Variants in BIRC3 observed in about 807,000 individuals in gnomAD.
BIRC3 encodes the protein baculoviral IAP repeat containing 3.
A neutral mutation model predicts 59.0 loss-of-function variants in BIRC3; 26 were observed. That is an observed-to-expected ratio of 0.44 (90% confidence interval 0.32 to 0.61). The LOEUF (loss-of-function observed/expected upper bound fraction) is 0.61. Ranked by LOEUF, BIRC3 falls within the 20% of genes least tolerant of loss-of-function variation. The pLI, the probability that BIRC3 is intolerant of heterozygous loss-of-function variation, is 0.04. For missense variants in BIRC3, 641 were observed against 711.5 expected, an observed-to-expected ratio of 0.90 and a Z score of 1.13; for synonymous variants, 243 against 249.2, an observed-to-expected ratio of 0.98 and a Z score of 0.24.
At chr11:102,321,223 T>A (rs1167745933) in intron 1 of BIRC3, among the ~76,000 whole-genome samples, 1 of 152,188 alleles carries the variant, frequency 6.6e-6, no homozygotes. Flanking sequence ...GCAGAAACTA[T>A]TATTTTTGTA....
In BIRC3 at chr11:102,323,501, A is replaced by C. The variant is rs1951051649; in HGVS notation, c.-1009A>C. 5.3e-6 allele frequency: 1 copy of C among 187,570 alleles called. No individual in the cohort carries two copies. The highest frequency in any genetic ancestry group is 1.1e-5 in the Non-Finnish European group (1 of 88,948). 11.6% of individuals were successfully genotyped at this position (187,570 alleles called of 1,614,324 possible). On this transcript the variant is annotated 5_prime_UTR_variant, in exon 2 of 9. Transcript: ENST00000263464. ...ACTGAGTCCAAAAGACCAAATGAAC[A>C]AACACATTAATCTCTGATTATTTAT...
Position 102,338,087 on chromosome 11 carries a change from C to T in BIRC3, c.*985C>T, listed in dbSNP as rs1951216432. ...GTACACTGGTTAGCAATGCTTGGGA[C>T]CAACAGGTTGTTCTGGTAAATAAAT... On this transcript the variant is annotated 3_prime_UTR_variant, in exon 9 of 9. Coordinates refer to ENST00000263464, the MANE Select transcript of BIRC3 (RefSeq NM_001165.5). 4.4e-6 allele frequency: 1 copy of T among 228,266 alleles called. No individual in the cohort carries two copies. Among genetic ancestry groups the T allele is most frequent in the Admixed American group, 5.7e-5 (1 of 17,616 alleles). The allele number at this position is 228,266 out of a possible 1,614,324, so 14.1% of individuals were successfully genotyped here.
chr11:102,331,180 C>T lies in BIRC3; in HGVS notation c.1263C>T (p.Leu421=). The change falls in exon 6 of 9, where the codon CTC becomes CTT. Residue 421 remains leucine, a synonymous_variant. Coordinates refer to ENST00000263464, the MANE Select transcript of BIRC3 (RefSeq NM_001165.5). ...RLVNDLVLDL[L]NAEDEIREEE... ...TCAATGATCTTGTGTTAGACTTACT[C>T]AATGCAGAAGATGAAATAAGGGAAG... is the stretch of plus-strand genomic sequence containing the variant. The T allele has an allele frequency of 1.2e-6, 2 of 1,613,442 alleles. No individual in the cohort carries two copies. Among genetic ancestry groups the T allele is most frequent in the East Asian group, 4.5e-5 (2 of 44,770 alleles).
Position 102,331,205 on chromosome 11 carries a change from G to A in BIRC3, c.1288G>A (p.Glu430Lys). The change falls in exon 6 of 9, where the codon GAG becomes AAG. Residue 430 changes from glutamate to lysine, a missense_variant. Physicochemically the swap from Glu to Lys is moderately conservative, Grantham distance 56. Coordinates refer to ENST00000263464, the MANE Select transcript of BIRC3 (RefSeq NM_001165.5). ...LLNAEDEIRE[E>K]ERERATEEKE... is the part of the protein sequence containing the mutation. Reference sequence around the variant, plus strand: ...CAATGCAGAAGATGAAATAAGGGAAGAGGAGAGAGAAAGAGCAACTGAGGA... The same window carrying A: ...CAATGCAGAAGATGAAATAAGGGAAAAGGAGAGAGAAAGAGCAACTGAGGA... 1.2e-6 allele frequency: 2 copies of A among 1,612,308 alleles called. No homozygotes were observed. The highest frequency in any genetic ancestry group is 1.7e-6 in the Non-Finnish European group (2 of 1,179,430).
rs372905086 is a variant in BIRC3 at position 102,328,913 on chromosome 11, A to G, written c.1049A>G (p.Asp350Gly). 3.6e-6 allele frequency: 5 copies of G among 1,400,188 alleles called. No individual in the cohort carries two copies. The highest frequency in any genetic ancestry group is 3.7e-6 in the Non-Finnish European group (4 of 1,071,494). 86.7% of individuals were successfully genotyped at this position (1,400,188 alleles called of 1,614,324 possible). ...HLLEQLLSTS[D>G]SPGDENAESS... ...TTTCTGCAGCTGCTATCCACATCAG[A>G]CAGCCCAGGAGATGAAAATGCAGAG... Residue 350 changes from aspartate to glycine, a missense_variant, in exon 5 of 9, where the codon GAC becomes GGC. Physicochemically the swap from Asp to Gly is moderately conservative, Grantham distance 94. This residue lies in a region of BIRC3 where 268 missense variants were observed against 255.7 expected (regional missense o/e 1.05). Transcript: ENST00000263464.
chr11:102,327,772 C>CA (rs970978620), intron 3 of BIRC3, among the ~76,000 whole-genome samples: 1 of 151,862 alleles, frequency 6.6e-6, no homozygotes, highest in Non-Finnish European at 1.5e-5. Flanking sequence ...AAAATTCACA[C>CA]AAAAAATTTG....
chr11:102,335,874 A>G, intron 6 of BIRC3, 92 bp from the exon 7 acceptor site: 1 of 1,320,718 alleles, frequency 7.6e-7, no homozygotes, highest in Non-Finnish European at 1.0e-6. Context: ...TACGAATTAA[A>G]GATAGTTTTT....
At chr11:102,331,359 T>G in intron 6 of BIRC3, 118 bp downstream of exon 6, 2 of 1,091,922 alleles carry the variant, frequency 1.8e-6, no homozygotes, top group Non-Finnish European at 2.4e-6. Context: ...CAGGTTTTTT[T>G]CATGTTTAGT....
Position 102,336,913 on chromosome 11 carries a change from A to G in BIRC3, c.1626A>G (p.Leu542=). The part of the protein sequence containing the change: ...KYIPTEDVSD[L]PVEEQLRRLQ... ...AAAATTCTTTCCTCTTTCTAGATCT[A>G]CCAGTGGAAGAACAATTGCGGAGAC... Residue 542 remains leucine (L), a synonymous_variant, in exon 9 of 9, where the codon CTA becomes CTG. Coordinates refer to ENST00000263464, the MANE Select transcript of BIRC3 (RefSeq NM_001165.5). The G allele has an allele frequency of 1.3e-6, 2 of 1,598,360 alleles. No homozygotes were observed. The highest frequency in any genetic ancestry group is 1.7e-6 in the Non-Finnish European group (2 of 1,176,584).
In BIRC3 at chr11:102,337,663, T is replaced by C. The variant is rs1401508396; in HGVS notation, c.*561T>C. On this transcript the variant is annotated 3_prime_UTR_variant, in exon 9 of 9. Transcript: ENST00000263464. ...AGGTGTGCATATATGTTGAATGACA[T>C]TTTAGGGACATGGTGTTTTTATAAA... 1 of 314,112 alleles carries C rather than the reference T, an allele frequency of 3.2e-6. No homozygotes were observed. Among genetic ancestry groups the C allele is most frequent in the African/African-American group, 2.1e-5 (1 of 47,326 alleles). The allele number at this position is 314,112 out of a possible 1,614,324, so 19.5% of individuals were successfully genotyped here.
rs572690185 is a variant in BIRC3 at position 102,324,877 on chromosome 11, C to T, written c.368C>T (p.Ser123Leu). ...TCTTCAGTAACAAATTCCACACACT[C>T]ATTACTTCCGGGTACAGAAAACAGT... The part of the protein sequence containing the change: ...FPSSVTNSTH[S>L]LLPGTENSGY... The change falls in exon 2 of 9, where the codon TCA (serine) becomes TTA (leucine). Residue 123 changes from serine (S) to leucine (L), a missense_variant. This residue lies in a region of BIRC3 where 329 missense variants were observed against 365.6 expected (regional missense o/e 0.90). Coordinates refer to ENST00000263464, the MANE Select transcript of BIRC3 (RefSeq NM_001165.5). 2.5e-6 allele frequency: 4 copies of T among 1,614,120 alleles called. No homozygotes were observed. The highest frequency in any genetic ancestry group is 3.4e-6 in the Non-Finnish European group (4 of 1,180,042).
intron 6 of BIRC3, among the ~76,000 whole-genome samples, chr11:102,331,482 AT>A (rs897468833): frequency 6.6e-6 from 1 of 151,706 alleles, no homozygotes; most frequent in Non-Finnish European, 1.5e-5. Context: ...CTTAATTCAT[AT>A]TTTTTTCTCT....
rs769568651 is a variant in BIRC3 at position 102,325,062 on chromosome 11, T to A, written c.553T>A (p.Ser185Thr). The A allele has an allele frequency of 1.2e-6, 2 of 1,614,200 alleles. No homozygotes were observed. The change falls in exon 2 of 9, where the codon TCG becomes ACG. Residue 185 changes from serine to threonine, a missense_variant. By Grantham distance (58) the Ser-to-Thr change is moderately conservative (BLOSUM62 1). Transcript: ENST00000263464. ...TCAGACATGGCCATTGACTTTTCTGTCGCCAACAGATCTGGCAAAAGCAGG... is the reference window on the plus strand; with the variant it reads ...TCAGACATGGCCATTGACTTTTCTGACGCCAACAGATCTGGCAAAAGCAGG... ...TFQTWPLTFL[S>T]PTDLAKAGFY... is the part of the protein sequence containing the mutation.
rs1373151533 is a variant in BIRC3, at chr11:102,337,290, T to C, written c.*188T>C. On this transcript the variant is annotated 3_prime_UTR_variant, in exon 9 of 9. Coordinates refer to ENST00000263464, the MANE Select transcript of BIRC3 (RefSeq NM_001165.5). ...ATATATTTTTTAGAAACTAAGAGAA[T>C]GATAGGCTTTTGTTCTTATGAACGA... 2.4e-6 allele frequency: 1 copy of C among 424,640 alleles called. No homozygotes were observed. The highest frequency in any genetic ancestry group is 4.0e-6 in the Non-Finnish European group (1 of 248,572). The allele number at this position is 424,640 out of a possible 1,614,324, so 26.3% of individuals were successfully genotyped here.
intron 6 of BIRC3, among the ~76,000 whole-genome samples, chr11:102,331,690 G>A (rs747077886): frequency 2.6e-5 from 4 of 152,114 alleles, no homozygotes; most frequent in Non-Finnish European, 5.9e-5. Context: ...TGTCACCCAT[G>A]CTGGAGTGCA....
rs1235058811 is a variant in BIRC3, at chr11:102,337,121, T to C, written c.*19T>C. ...TTCATGAAGAAGAACCAAAACATCG[T>C]CTAAACTTTAGAATTAATTTATTAA... is the stretch of plus-strand genomic sequence containing the variant. On this transcript the variant is annotated 3_prime_UTR_variant, in exon 9 of 9. Coordinates refer to ENST00000263464, the MANE Select transcript of BIRC3 (RefSeq NM_001165.5). 6.9e-7 allele frequency: 1 copy of C among 1,440,018 alleles called. No individual in the cohort carries two copies. The allele number at this position is 1,440,018 out of a possible 1,614,324, so 89.2% of individuals were successfully genotyped here.
chr11:102,328,876 ATATAT>A lies in BIRC3; in HGVS notation c.1033-19_1033-15del, dbSNP rs1185522170. On this transcript the variant is annotated splice_polypyrimidine_tract_variant and intron_variant, in intron 4 of 8. Transcript: ENST00000263464. ...TTTTAATTTATATATATATATATAT[ATATAT>A]TTTTTTTTTCTGCAGCTGCTATCCA... 18 of 649,350 alleles carry A rather than the reference ATATAT, an allele frequency of 2.8e-5. No homozygotes were observed. The highest frequency in any genetic ancestry group is 1.4e-4 in the African/African-American group (5 of 36,638). The allele number at this position is 649,350 out of a possible 1,614,324, so 40.2% of individuals were successfully genotyped here.
intron 6 of BIRC3, among the ~76,000 whole-genome samples, chr11:102,333,614 T>C (rs1344882894): frequency 1.3e-5 from 2 of 150,860 alleles, no homozygotes; most frequent in African/African-American, 2.4e-5. Flanking sequence ...ACAAAATTAA[T>C]AATATGCTTC....
intron 3 of BIRC3, chr11:102,326,621 G>T: frequency 2.3e-6 from 1 of 427,930 alleles, no homozygotes; most frequent in Non-Finnish European, 4.7e-6. Flanking sequence ...TACTGCACTG[G>T]CAACAAGCTG....
Sources: gnomAD v4.1 joint callset for allele counts (sites outside exome capture counted in the v4.1 genomes callset) on GRCh38, gnomAD v4.1.1 for gene constraint, gnomAD v4.1.1 regional missense constraint, MANE v1.5 for transcripts, NCBI Gene and HGNC (gene_info 2026-07-23, HGNC 2026-07-21) for gene names.